ELFN2: variants seen among roughly 807,000 people sequenced by gnomAD.
The protein encoded by ELFN2 is extracellular leucine rich repeat and fibronectin type III domain containing 2.
A neutral mutation model predicts 45.5 loss-of-function variants in ELFN2; 17 were observed. That is an observed-to-expected ratio of 0.37 (90% CI 0.26 to 0.56). The LOEUF is 0.56. Ranked by LOEUF, ELFN2 falls within the 20% of genes least tolerant of loss-of-function variation. The pLI is 0.77. For synonymous variants in ELFN2, 550 were observed against 551.5 expected (o/e 1.00, Z 0.04); for missense variants, 922 against 1,183.2 (o/e 0.78, Z 3.24).
At chr22:37,381,322 G>GTCAGAGGA (rs1931757742) in intron 2 of ELFN2, among the ~76,000 whole-genome samples, 1 of 13,780 alleles carries the variant, frequency 7.3e-5, no homozygotes, top group African/African-American at 2.0e-4. Flanking sequence ...TTCTGCCCCT[G>GTCAGAGGA]TCAGAGGAAA....
At chr22:37,343,435 C>T (rs1601728699) in intron 1 of ELFN2, among the ~76,000 whole-genome samples, 1 of 152,070 alleles carries the variant, frequency 6.6e-6, no homozygotes, top group Non-Finnish European at 1.5e-5. Context: ...ATCTGCTGGC[C>T]GATGCCCGCC....
chr22:37,378,546 A>G (rs1931648249), intron 2 of ELFN2, among the ~76,000 whole-genome samples: 1 of 152,212 alleles, frequency 6.6e-6, no homozygotes, highest in Non-Finnish European at 1.5e-5. Flanking sequence ...CAAACAGTCC[A>G]GGGTGGACAG....
chr22:37,378,920 G>C (rs1344943773), intron 2 of ELFN2, among the ~76,000 whole-genome samples: 1 of 152,258 alleles, frequency 6.6e-6, no homozygotes, highest in African/African-American at 2.4e-5. Flanking sequence ...TGTCCTCTCA[G>C]GTCTGAGGCT....
intron 1 of ELFN2, among the ~76,000 whole-genome samples, chr22:37,350,682 C>T (rs1199536521): frequency 6.6e-6 from 1 of 150,746 alleles, no homozygotes; most frequent in African/African-American, 2.4e-5. Context: ...ATCAGCACCC[C>T]AGGGTGGGGG....
rs1240832054 is a variant in ELFN2 at position 37,342,824 on chromosome 22, CG to C, written n.149-122del. 9.1e-5 allele frequency: 6 copies of C among 66,184 alleles called. No homozygotes were observed. In the Middle Eastern group the frequency reaches 0.017, roughly 184 times the overall value. The allele number at this position is 66,184 out of a possible 1,614,324, so 4.1% of individuals were successfully genotyped here. A position where few individuals can be genotyped will look rare whatever the true frequency, so the allele number is the denominator to read the frequency against. ...GGGGGGTGGGCACAGGAAAGGGAAG[CG>C]GGGAGGGGAGGGAAGGGGCAGGGCT... On this transcript the variant is annotated intron_variant and non_coding_transcript_variant, in intron 1 of 2. Transcript: ENST00000452946.
chr22:37,362,324 A>G (rs12165796), intron 1 of ELFN2, among the ~76,000 whole-genome samples: 53,127 of 152,106 alleles, frequency 0.35, 10,118 homozygotes, highest in Admixed American at 0.56. Flanking sequence ...TGCCAGACGT[A>G]ACCTCTTCTT....
Position 37,375,314 on chromosome 22 carries a change from G to C in ELFN2, c.221C>G (p.Ser74Trp), listed in dbSNP as rs772047593. Residue 74 changes from serine to tryptophan, a missense_variant, in exon 3 of 3, where the codon TCG (serine) becomes TGG (tryptophan). By Grantham distance (177) the Ser-to-Trp change is radical. Around this residue, in one of 2 missense-constraint regions of ELFN2, gnomAD observed 358 missense variants for 540.4 expected, o/e 0.66. Coordinates refer to ENST00000402918, the MANE Select transcript of ELFN2 (RefSeq NM_052906.5). The stretch of plus-strand genomic sequence containing the variant: ...GGTGAGGTTCCCAAAGCGGTTGAGC[G>C]AGGAGTAGAGCACGGCTTTGAGCTT... ...ENKLKAVLYS[S>W]LNRFGNLTDL... The C allele has an allele frequency of 6.2e-7, 1 of 1,614,022 alleles. No homozygotes were observed. Among genetic ancestry groups the C allele is most frequent in the Non-Finnish European group, 8.5e-7 (1 of 1,180,036 alleles).
chr22:37,387,787 C>G (rs1931988900), intron 2 of ELFN2, among the ~76,000 whole-genome samples: 1 of 152,082 alleles, frequency 6.6e-6, no homozygotes, highest in South Asian at 2.1e-4. Flanking sequence ...CCGCTTCCCC[C>G]TCCCCTACCC....
rs1208635099 is a variant in ELFN2 at position 37,373,977 on chromosome 22, C to T, written c.1558G>A (p.Asp520Asn). The T allele has an allele frequency of 6.2e-7, 1 of 1,613,008 alleles. No homozygotes were observed. The highest frequency in any genetic ancestry group is 1.3e-5 in the African/African-American group (1 of 75,050). ...TGGCCGTTCTCGAGGTCCGGGAGGT[C>T]ATCCTCGGGCCGAGCCAGACCGTCC... ...GGDGLARPED[D>N]LPDLENGQGS... is the part of the protein sequence containing the mutation. Residue 520 changes from aspartate to asparagine, a missense_variant, in exon 3 of 3, where the codon GAC becomes AAC. Around this residue, in one of 2 missense-constraint regions of ELFN2, gnomAD observed 564 missense variants for 642.8 expected, o/e 0.88. Coordinates refer to ENST00000402918, the MANE Select transcript of ELFN2 (RefSeq NM_052906.5).
At chr22:37,345,694 C>T (rs1019863124) in intron 1 of ELFN2, among the ~76,000 whole-genome samples, 12 of 151,956 alleles carry the variant, frequency 7.9e-5, no homozygotes, top group Admixed American at 2.0e-4. Flanking sequence ...ACTAGAGGTG[C>T]GTGCCACCAC....
At chr22:37,341,722 T>C (rs1930564608) in intron 2 of ELFN2, among the ~76,000 whole-genome samples, 1 of 152,224 alleles carries the variant, frequency 6.6e-6, no homozygotes, top group Non-Finnish European at 1.5e-5. Flanking sequence ...GCACCTGCCA[T>C]GTACCAAGCA....
intron 1 of ELFN2, chr22:37,342,804 GT>G (rs1555916756): frequency 7.1e-6 from 1 of 140,200 alleles, no homozygotes; most frequent in East Asian, 2.5e-4. Flanking sequence ...GGGTGGGGGG[GT>G]GGGCACAGGA....
chr22:37,395,454 C>A (rs1043238844), intron 2 of ELFN2, among the ~76,000 whole-genome samples: 1 of 152,198 alleles, frequency 6.6e-6, no homozygotes, highest in Non-Finnish European at 1.5e-5. Context: ...GCAGTGAAGC[C>A]ACTTCCCAAA....
chr22:37,344,864 G>C (rs1191122054), intron 1 of ELFN2, among the ~76,000 whole-genome samples: 1 of 152,150 alleles, frequency 6.6e-6, no homozygotes, highest in Non-Finnish European at 1.5e-5. Flanking sequence ...GCGCTGAGGG[G>C]CGAGCTCCCC....
At chr22:37,378,965 C>T (rs1931666204) in intron 2 of ELFN2, among the ~76,000 whole-genome samples, 1 of 152,220 alleles carries the variant, frequency 6.6e-6, no homozygotes, top group South Asian at 2.1e-4. Flanking sequence ...AGGTCATGCC[C>T]CTCCCCTACT....
intron 2 of ELFN2, among the ~76,000 whole-genome samples, chr22:37,415,878 G>A (rs1040689258): frequency 9.9e-5 from 15 of 152,186 alleles, no homozygotes; most frequent in African/African-American, 2.2e-4. Context: ...CAGGAGAATC[G>A]CTTGAACCCG....
At chr22:37,366,895 G>A (rs375301997), downstream of ELFN2, among the ~76,000 whole-genome samples, 34 of 152,338 alleles carry the variant, frequency 2.2e-4, no homozygotes, top group African/African-American at 7.0e-4. Context: ...GAAGGTGAGC[G>A]GCCCCAGGCC....
At chr22:37,343,683 T>C (rs1016901822) in intron 1 of ELFN2, among the ~76,000 whole-genome samples, 26 of 151,770 alleles carry the variant, frequency 1.7e-4, no homozygotes, top group African/African-American at 5.8e-4. Flanking sequence ...CGGTCTTGGC[T>C]GGCACCCACC....
chr22:37,386,451 A>G (rs1050683704), intron 2 of ELFN2, among the ~76,000 whole-genome samples: 1 of 152,170 alleles, frequency 6.6e-6, no homozygotes, highest in Non-Finnish European at 1.5e-5. Flanking sequence ...TCCTGAGGCC[A>G]CAGCCCATTC....
Sources: gnomAD v4.1 joint callset for allele counts (sites outside exome capture counted in the v4.1 genomes callset) on GRCh38, gnomAD v4.1.1 for gene constraint, gnomAD v4.1.1 regional missense constraint, MANE v1.5 for transcripts, NCBI Gene and HGNC (gene_info 2026-07-23, HGNC 2026-07-21) for gene names.